The following NEK4 variants were observed in gnomAD, a reference collection of about 807,000 sequenced individuals.
NEK4 encodes the protein serine/threonine-protein kinase Nek4.
A neutral mutation model predicts 98.4 loss-of-function variants in NEK4; 86 were observed. That is an observed-to-expected ratio of 0.87 (90% confidence interval 0.73 to 1.05). The LOEUF is 1.05. Among genes scored for constraint, NEK4 ranks in the 50% least tolerant of loss-of-function variants. The probability of loss-of-function intolerance (pLI) is 0.00; values close to 1 mark genes in which losing one functional copy is unlikely to be tolerated. For missense variants in NEK4, 898 were observed against 950.3 expected, an observed-to-expected ratio of 0.94 and a Z score of 0.72; for synonymous variants, 328 against 342.2, an observed-to-expected ratio of 0.96 and a Z score of 0.46.
Position 52,763,569 on chromosome 3 carries a change from A to G in NEK4, c.722T>C (p.Met241Thr). ...CCTTTCTTCAGGCCTTTTGCTCAGC[A>G]TTGTTCTTATCAGTTCTGCCAGCTC... Reference protein sequence around the residue: ...SPELAELIRTMLSKRPEERPS... With the variant: ...SPELAELIRTTLSKRPEERPS... Residue 241 changes from methionine (M) to threonine (T), a missense_variant, in exon 5 of 16, where the codon ATG becomes ACG. Coordinates refer to ENST00000233027, the MANE Select transcript of NEK4 (RefSeq NM_003157.6). The G allele has an allele frequency of 6.2e-7, 1 of 1,613,934 alleles. No homozygotes were observed. Among genetic ancestry groups the G allele is most frequent in the South Asian group, 1.1e-5 (1 of 91,052 alleles).
At chr3:52,714,560 G>C (rs751251559) in intron 15 of NEK4, among the ~76,000 whole-genome samples, 5 of 152,194 alleles carry the variant, frequency 3.3e-5, no homozygotes, top group Non-Finnish European at 5.9e-5. Context: ...GCTGTGGGGA[G>C]GGCAAGGGGA....
At chr3:52,768,208 A>G in intron 2 of NEK4, 130 bp downstream of exon 2, 1 of 782,386 alleles carries the variant, frequency 1.3e-6, no homozygotes, top group South Asian at 1.8e-5. Context: ...GACTGGGTCA[A>G]CTTCACAAAT....
At chr3:52,721,981 T>A (rs2097360495) in intron 15 of NEK4, among the ~76,000 whole-genome samples, 1 of 152,226 alleles carries the variant, frequency 6.6e-6, no homozygotes, top group African/African-American at 2.4e-5. Flanking sequence ...TGGTCCTGGA[T>A]GAAACCTGTG....
At chr3:52,720,759 C>T (rs778588281) in intron 15 of NEK4, among the ~76,000 whole-genome samples, 2 of 152,132 alleles carry the variant, frequency 1.3e-5, no homozygotes, top group African/African-American at 4.8e-5. Context: ...TACAGGAAAA[C>T]GAAGTGAAGT....
At chr3:52,717,336 G>A (rs2097355973) in intron 15 of NEK4, among the ~76,000 whole-genome samples, 1 of 151,466 alleles carries the variant, frequency 6.6e-6, no homozygotes, top group African/African-American at 2.4e-5. Flanking sequence ...GAATCCAGCA[G>A]GCAGAGGTTG....
intron 6 of NEK4, among the ~76,000 whole-genome samples, chr3:52,755,417 T>G (rs760786177): frequency 5.3e-5 from 8 of 150,078 alleles, no homozygotes; most frequent in Non-Finnish European, 1.0e-4. Flanking sequence ...ATTAACAGAA[T>G]GAAGGAAAAA....
intron 15 of NEK4, among the ~76,000 whole-genome samples, chr3:52,734,106 T>A (rs2097372554): frequency 6.6e-6 from 1 of 152,086 alleles, no homozygotes; most frequent in Non-Finnish European, 1.5e-5. Flanking sequence ...ACACCTGTAA[T>A]CCCAGCACTT....
intron 6 of NEK4, among the ~76,000 whole-genome samples, chr3:52,759,038 C>A (rs1285441009): frequency 6.8e-6 from 1 of 147,804 alleles, no homozygotes; most frequent in Non-Finnish European, 1.5e-5. Flanking sequence ...CTGTAGTGAG[C>A]TATGATGATG....
intron 6 of NEK4, chr3:52,754,419 T>C: frequency 1.9e-6 from 1 of 534,176 alleles, no homozygotes; most frequent in Non-Finnish European, 3.8e-6. Flanking sequence ...GAGGCTGCAA[T>C]ACTGTATGAG....
intron 7 of NEK4, among the ~76,000 whole-genome samples, chr3:52,750,494 C>T (rs2097403241): frequency 6.6e-6 from 1 of 152,166 alleles, no homozygotes; most frequent in Non-Finnish European, 1.5e-5. Flanking sequence ...TTATAGTGAG[C>T]TGAGATCGTG....
rs2097350028 is a variant in NEK4, at chr3:52,711,201, GAAT to G, written c.*573_*575del. The stretch of plus-strand genomic sequence containing the variant: ...CCTAGATGAGGTTTATATTAAATGA[GAAT>G]AAAATATTAAAAGTCCATCAATGTG... On this transcript the variant is annotated 3_prime_UTR_variant, in exon 16 of 16. Transcript: ENST00000233027. 1 of 152,232 alleles carries G rather than the reference GAAT, an allele frequency of 6.6e-6. No homozygotes were observed. The highest frequency in any genetic ancestry group is 6.5e-5 in the Admixed American group (1 of 15,272). 9.4% of individuals were successfully genotyped at this position (152,232 alleles called of 1,614,324 possible). A position where few individuals can be genotyped will look rare whatever the true frequency, so the allele number is the denominator to read the frequency against.
chr3:52,727,538 T>TGACCTCGGCTCACTCC (rs2097365667), intron 15 of NEK4, among the ~76,000 whole-genome samples: 1 of 152,212 alleles, frequency 6.6e-6, no homozygotes, highest in Non-Finnish European at 1.5e-5. Flanking sequence ...TGTGGTAGTG[T>TGACCTCGGCTCACTCC]GACCTCGGCT....
intron 6 of NEK4, among the ~76,000 whole-genome samples, chr3:52,759,124 T>G (rs1007058977): frequency 2.9e-5 from 4 of 139,978 alleles, no homozygotes; most frequent in African/African-American, 1.0e-4. Flanking sequence ...AAAAAAAGCC[T>G]GGGCACAGTG....
At chr3:52,737,493 A>G in intron 15 of NEK4, 93 bp downstream of exon 15, 3 of 1,303,088 alleles carry the variant, frequency 2.3e-6, no homozygotes, top group East Asian at 2.3e-5. Flanking sequence ...TACACTTTAG[A>G]TGAGTGAATT....
chr3:52,735,578 C>G (rs1346399991), intron 15 of NEK4, among the ~76,000 whole-genome samples: 2 of 152,164 alleles, frequency 1.3e-5, no homozygotes, highest in Non-Finnish European at 2.9e-5. Context: ...ACCAGTTTCT[C>G]TTTTTGATCC....
chr3:52,742,930 C>T (rs970368997), intron 12 of NEK4, among the ~76,000 whole-genome samples: 1 of 152,164 alleles, frequency 6.6e-6, no homozygotes, highest in African/African-American at 2.4e-5. Context: ...GCTGGGACTA[C>T]AGGTGTGCGC....
chr3:52,740,212 G>T (rs1361774026), intron 13 of NEK4, among the ~76,000 whole-genome samples: 1 of 152,080 alleles, frequency 6.6e-6, no homozygotes, highest in East Asian at 1.9e-4. Context: ...TGAAGAGAAA[G>T]AAATCAGTTA....
chr3:52,720,373 T>A (rs2097359058), intron 15 of NEK4, among the ~76,000 whole-genome samples: 1 of 152,114 alleles, frequency 6.6e-6, no homozygotes, highest in African/African-American at 2.4e-5. Context: ...AAATAATGCC[T>A]GAATACTTTA....
intron 14 of NEK4, among the ~76,000 whole-genome samples, chr3:52,738,378 C>A (rs368619489): frequency 6.6e-6 from 1 of 150,634 alleles, no homozygotes; most frequent in African/African-American, 2.4e-5. Flanking sequence ...AATGAGATTA[C>A]AGGCATGATG....
Sources: allele counts gnomAD v4.1 joint callset (sites outside exome capture counted in the v4.1 genomes callset), GRCh38; gene constraint gnomAD v4.1.1; transcripts MANE v1.5; gene names NCBI Gene and HGNC (gene_info 2026-07-23, HGNC 2026-07-21).